FAM53A: variants seen among roughly 807,000 people sequenced by gnomAD.
FAM53A encodes protein FAM53A.
A neutral mutation model predicts 26.6 loss-of-function variants in FAM53A; 28 were observed. That is an observed-to-expected ratio of 1.05 (90% CI 0.78 to 1.45). The LOEUF (loss-of-function observed/expected upper bound fraction) is 1.45. Ranked by LOEUF, FAM53A falls within the 40% of genes most tolerant of loss-of-function variation. The probability of loss-of-function intolerance (pLI) is 0.00; values close to 1 mark genes in which losing one functional copy is unlikely to be tolerated. For missense variants in FAM53A, 650 were observed against 575.8 expected (o/e 1.13, Z -1.32); for synonymous variants, 290 against 253.1 (o/e 1.15, Z -1.38).
At chr4:1,667,568 C>T (rs2108993593) in intron 2 of FAM53A, among the ~76,000 whole-genome samples, 1 of 152,292 alleles carries the variant, frequency 6.6e-6, no homozygotes, top group Admixed American at 6.5e-5. Flanking sequence ...CCAACACCCA[C>T]ACTCGCCAGC....
downstream of FAM53A, among the ~76,000 whole-genome samples, chr4:1,638,803 C>A (rs1324204783): frequency 6.6e-6 from 1 of 152,164 alleles, no homozygotes; most frequent in Non-Finnish European, 1.5e-5. Flanking sequence ...CAGTCAGTGG[C>A]CCCCCTCCTC....
At chr4:1,609,605 C>G in the FAM53A span, among the ~76,000 whole-genome samples, 1 of 152,046 alleles carries the variant, frequency 6.6e-6, no homozygotes, top group South Asian at 2.1e-4. Flanking sequence ...TGTGAAGAGG[C>G]GCCTTCCATC....
At chr4:1,636,935 G>A (rs1277717666), downstream of FAM53A, among the ~76,000 whole-genome samples, 1 of 152,170 alleles carries the variant, frequency 6.6e-6, no homozygotes, top group Non-Finnish European at 1.5e-5. Context: ...CCCCTCCAGT[G>A]TTACCCATGG....
At chr4:1,605,333 G>C in the FAM53A span, among the ~76,000 whole-genome samples, 386 of 152,138 alleles carry the variant, frequency 2.5e-3, no homozygotes, top group Non-Finnish European at 4.8e-3. This position sits in a 1 kb window ranked among gnomAD's most constrained non-coding sequence, Gnocchi z 5.7. Flanking sequence ...CTTCCTCACA[G>C]CCCAGCTCCA....
chr4:1,663,511 C>T (rs1026211465), intron 2 of FAM53A, among the ~76,000 whole-genome samples: 3 of 152,190 alleles, frequency 2.0e-5, no homozygotes, highest in African/African-American at 7.2e-5. Flanking sequence ...GTCTCTCAAA[C>T]ACGAACCTGA....
the FAM53A span, among the ~76,000 whole-genome samples, chr4:1,599,522 G>A: frequency 2.0e-5 from 3 of 152,170 alleles, no homozygotes; most frequent in South Asian, 4.1e-4. The surrounding 1 kb of genome is among the most constrained non-coding windows in gnomAD (Gnocchi z 6.1). Context: ...GTGCGGCCTC[G>A]TCAGCACAGG....
Position 1,630,189 on chromosome 4 carries a change from G to A in FAM53A, c.432-12078C>T. The stretch of plus-strand genomic sequence containing the variant: ...TAGGTCATCCCCTTCCAAGCTGTCG[G>A]AGCTGCCCACGAGGCAGGTGCACAA... On this transcript the variant is annotated intron_variant, in intron 1 of 1. Transcript: ENST00000489029. This position sits in a 1 kb window ranked among gnomAD's most constrained non-coding sequence, Gnocchi z 4.3. Among the ~76,000 whole-genome samples the A allele has an allele frequency of 6.6e-6, 1 of 152,292 alleles. No individual in the cohort carries two copies. The highest frequency in any genetic ancestry group is 2.4e-5 in the African/African-American group (1 of 41,562).
the FAM53A span, among the ~76,000 whole-genome samples, chr4:1,580,660 C>G: frequency 8.1e-5 from 12 of 148,588 alleles, no homozygotes; most frequent in African/African-American, 3.0e-4. Context: ...CGCCTCCCGC[C>G]CAGGCCACGC....
chr4:1,590,953 T>A, the FAM53A span, among the ~76,000 whole-genome samples: 3 of 73,890 alleles, frequency 4.1e-5, no homozygotes, highest in African/African-American at 5.9e-5. Flanking sequence ...TATTATTTAA[T>A]GCATATATAT....
intron 1 of FAM53A, among the ~76,000 whole-genome samples, chr4:1,679,555 ACG>A (rs1715266398): frequency 1.3e-5 from 2 of 150,776 alleles, no homozygotes; most frequent in African/African-American, 4.9e-5. Flanking sequence ...GCGTGGTGGC[ACG>A]CACCTGTAAT....
chr4:1,611,652 C>T, the FAM53A span, among the ~76,000 whole-genome samples: 2 of 152,232 alleles, frequency 1.3e-5, no homozygotes, highest in African/African-American at 2.4e-5. Context: ...GCAGCAGAGG[C>T]GCCTCCGTGG....
downstream of FAM53A, among the ~76,000 whole-genome samples, chr4:1,636,504 G>C (rs888696978): frequency 1.3e-5 from 2 of 152,224 alleles, no homozygotes; most frequent in Non-Finnish European, 2.9e-5. Context: ...GTCCGTCCTC[G>C]CGCTTCAAGC....
At chr4:1,646,674 G>A (rs1239492802) in intron 4 of FAM53A, among the ~76,000 whole-genome samples, 1 of 152,148 alleles carries the variant, frequency 6.6e-6, no homozygotes, top group East Asian at 1.9e-4. Flanking sequence ...AAACGCAGCG[G>A]GCCTGAAGGT....
chr4:1,584,325 C>T, the FAM53A span, among the ~76,000 whole-genome samples: 1 of 152,210 alleles, frequency 6.6e-6, no homozygotes, highest in Non-Finnish European at 1.5e-5. Flanking sequence ...CATTTAGGTC[C>T]TGAATCTCTT....
the FAM53A span, among the ~76,000 whole-genome samples, chr4:1,605,688 C>T: frequency 3.9e-5 from 6 of 152,168 alleles, no homozygotes; most frequent in African/African-American, 1.4e-4. The surrounding 1 kb of genome is among the most constrained non-coding windows in gnomAD (Gnocchi z 5.7). Context: ...GCAGGGTGAG[C>T]TCTGCCCACG....
chr4:1,658,256 G>A (rs1269150956), intron 2 of FAM53A, among the ~76,000 whole-genome samples: 1 of 151,770 alleles, frequency 6.6e-6, no homozygotes, highest in Non-Finnish European at 1.5e-5. Context: ...TCTTCACCTC[G>A]TGATCTTCCC....
At chr4:1,684,488 C>T (rs1278026451), upstream of FAM53A, among the ~76,000 whole-genome samples, 2 of 150,710 alleles carry the variant, frequency 1.3e-5, no homozygotes, top group Non-Finnish European at 3.0e-5. Flanking sequence ...GCACCGCCCA[C>T]CGAGTCCGCA....
chr4:1,653,949 C>T (rs1560163107), intron 4 of FAM53A, among the ~76,000 whole-genome samples: 1 of 152,230 alleles, frequency 6.6e-6, no homozygotes, highest in South Asian at 2.1e-4. Context: ...CCGAGCAAGA[C>T]AGTGCAGCCA....
At chr4:1,624,092 C>A (rs1715174830) in intron 1 of FAM53A, among the ~76,000 whole-genome samples, 1 of 152,238 alleles carries the variant, frequency 6.6e-6, no homozygotes, top group African/African-American at 2.4e-5. Context: ...CTGCAGGGAC[C>A]ACTGGTGGCC....
Sources: gnomAD v4.1 joint callset for allele counts (sites outside exome capture counted in the v4.1 genomes callset) on GRCh38, gnomAD v4.1.1 for gene constraint, Gnocchi (gnomAD v3.1) non-coding constraint, MANE v1.5 for transcripts, NCBI Gene and HGNC (gene_info 2026-07-23, HGNC 2026-07-21) for gene names.